Variants in ZNF33B observed in about 807,000 individuals in gnomAD.
ZNF33B encodes zinc finger protein 11b (KOX 2).
A neutral mutation model predicts 45.8 loss-of-function variants in ZNF33B; 29 were observed. The observed-to-expected ratio is 0.63, with a 90% CI of 0.47 to 0.86. The LOEUF (loss-of-function observed/expected upper bound fraction) is 0.86. ZNF33B is among the 40% of genes least tolerant of loss of function. The pLI is 0.00. For synonymous variants in ZNF33B, 305 were observed against 307.8 expected, an observed-to-expected ratio of 0.99 and a Z score of 0.10; for missense variants, 831 against 909.9, an observed-to-expected ratio of 0.91 and a Z score of 1.12.
chr10:42,592,530 TG>T lies in ZNF33B; in HGVS notation c.*82del. The T allele has an allele frequency of 6.7e-7, 1 of 1,501,896 alleles. No individual in the cohort carries two copies. The allele number at this position is 1,501,896 out of a possible 1,614,324, so 93.0% of individuals were successfully genotyped here. A position where few individuals can be genotyped will look rare whatever the true frequency, so the allele number is the denominator to read the frequency against. ...GTGGATAGTTATTGAACATTCAGGA[TG>T]TCAACAGGCCCTTCTCCACAGTGTG... On this transcript the variant is annotated 3_prime_UTR_variant, in exon 5 of 5. Coordinates refer to ENST00000359467, the MANE Select transcript of ZNF33B (RefSeq NM_006955.3).
intron 4 of ZNF33B, among the ~76,000 whole-genome samples, chr10:42,624,231 CA>C (rs1225794743): frequency 1.3e-5 from 2 of 152,192 alleles, no homozygotes; most frequent in African/African-American, 4.8e-5. Context: ...AAGGGCTCCA[CA>C]TCTCCAAACA....
chr10:42,609,401 T>C (rs1296354968), intron 4 of ZNF33B, among the ~76,000 whole-genome samples: 8 of 152,056 alleles, frequency 5.3e-5, no homozygotes, highest in Non-Finnish European at 7.4e-5. Context: ...CTGGGCAATA[T>C]AGTGAGGCTC....
At chr10:42,606,263 G>A (rs1359895060) in intron 4 of ZNF33B, among the ~76,000 whole-genome samples, 6 of 152,002 alleles carry the variant, frequency 3.9e-5, no homozygotes, top group African/African-American at 9.7e-5. Context: ...TCAGGGGTTC[G>A]TGACCAGCCT....
intron 4 of ZNF33B, among the ~76,000 whole-genome samples, chr10:42,617,649 G>T (rs1309109151): frequency 6.6e-6 from 1 of 152,020 alleles, no homozygotes; most frequent in Non-Finnish European, 1.5e-5. Flanking sequence ...CAACACTGGG[G>T]ATACAGAACA....
intron 4 of ZNF33B, among the ~76,000 whole-genome samples, chr10:42,595,523 C>G (rs539671617): frequency 6.6e-6 from 1 of 152,032 alleles, no homozygotes; most frequent in Non-Finnish European, 1.5e-5. Context: ...ACTGTGCCCC[C>G]CAAAAATGTG....
intron 2 of ZNF33B, 80 bp from the exon 3 acceptor site, chr10:42,632,519 G>C (rs1306737541): frequency 1.3e-6 from 2 of 1,526,474 alleles, no homozygotes; most frequent in East Asian, 2.3e-5. Context: ...CAGAATATTT[G>C]TTTTGCTTTA....
intron 1 of ZNF33B, among the ~76,000 whole-genome samples, chr10:42,577,895 A>C (rs1170880270): frequency 6.6e-6 from 1 of 152,216 alleles, no homozygotes; most frequent in Non-Finnish European, 1.5e-5. Context: ...AGAAAACTAA[A>C]GACTGAGACA....
intron 1 of ZNF33B, 41 bp from the exon 2 acceptor site, chr10:42,637,013 C>G (rs1564532533): frequency 6.2e-7 from 1 of 1,604,118 alleles, no homozygotes; most frequent in African/African-American, 1.3e-5. Context: ...AAAGATTTGG[C>G]CTGCCTGGCA....
intron 1 of ZNF33B, among the ~76,000 whole-genome samples, chr10:42,637,834 G>A (rs1299644674): frequency 2.0e-5 from 3 of 152,106 alleles, no homozygotes; most frequent in Admixed American, 2.0e-4. Context: ...AGTATTTTTA[G>A]TAGAGACGGG....
At chr10:42,595,905 C>A (rs1434300250) in intron 4 of ZNF33B, among the ~76,000 whole-genome samples, 3 of 151,870 alleles carry the variant, frequency 2.0e-5, no homozygotes, top group Non-Finnish European at 4.4e-5. Flanking sequence ...TTACAGCAGC[C>A]TGAGTAAAGT....
At chr10:42,631,475 A>G (rs1326692249) in intron 4 of ZNF33B, among the ~76,000 whole-genome samples, 4 of 152,216 alleles carry the variant, frequency 2.6e-5, no homozygotes, top group Non-Finnish European at 5.9e-5. Flanking sequence ...CTGGGATTAC[A>G]GGTGTGAGCT....
At chr10:42,608,712 C>T (rs950068200) in intron 4 of ZNF33B, among the ~76,000 whole-genome samples, 1 of 151,844 alleles carries the variant, frequency 6.6e-6, no homozygotes, top group African/African-American at 2.4e-5. Flanking sequence ...ACTAATTTTC[C>T]ACCTTAAAAC....
Position 42,592,373 on chromosome 10 carries a change from G to T in ZNF33B, c.*240C>A. ...AACTTTCACAAATTCAAAAAAATCT[G>T]TGAGGTTTTATGCCAGTATTAACCA... On this transcript the variant is annotated 3_prime_UTR_variant, in exon 5 of 5. Transcript: ENST00000359467. 1.6e-6 allele frequency: 1 copy of T among 636,060 alleles called. No homozygotes were observed. The highest frequency in any genetic ancestry group is 2.3e-6 in the Non-Finnish European group (1 of 432,346). The allele number at this position is 636,060 out of a possible 1,614,324, so 39.4% of individuals were successfully genotyped here. A position where few individuals can be genotyped will look rare whatever the true frequency, so the allele number is the denominator to read the frequency against.
At chr10:42,587,877 AT>A (rs538572862), downstream of ZNF33B, among the ~76,000 whole-genome samples, 288 of 152,274 alleles carry the variant, frequency 1.9e-3, no homozygotes, top group Non-Finnish European at 3.3e-3. Context: ...GGGTCAGGAA[AT>A]CATGTGTAGT....
rs158376 is a variant in ZNF33B at position 42,621,411 on chromosome 10, T to G, written c.250+10518A>C. On this transcript the variant is annotated intron_variant, in intron 4 of 4. Coordinates refer to ENST00000359467, the MANE Select transcript of ZNF33B (RefSeq NM_006955.3). ...ACAGATACAAAGCTACACAAACACA[T>G]ACACACACACACAAATACCAGTAAA... 9.9e-5 allele frequency among the ~76,000 whole-genome samples: 15 copies of G among 151,232 alleles called. No homozygotes were observed. In the East Asian group the frequency reaches 2.3e-3, roughly 24 times the overall value.
intron 4 of ZNF33B, among the ~76,000 whole-genome samples, chr10:42,599,463 CATATGTATATTACATAT>C: frequency 1.6e-3 from 1 of 614 alleles, no homozygotes; most frequent in Non-Finnish European, 3.0e-3. Context: ...TACATATATA[CATATGTATATTACATAT>C]ATACATATGT....
intron 4 of ZNF33B, among the ~76,000 whole-genome samples, chr10:42,600,132 C>T (rs960980661): frequency 6.6e-6 from 1 of 151,990 alleles, no homozygotes; most frequent in African/African-American, 2.4e-5. Context: ...TTAATATATT[C>T]GTTCATCTGC....
At position 42,594,442 on chromosome 10, in the gene ZNF33B, A is replaced by G. The variant is rs1837306362; in HGVS notation, c.508T>C (p.Phe170Leu). The G allele has an allele frequency of 1.9e-6, 3 of 1,613,568 alleles. No homozygotes were observed. The highest frequency in any genetic ancestry group is 2.7e-5 in the African/African-American group (2 of 74,924). ...AGTAACAATTTCCCACATGCATTAA[A>G]TTCGTCAGACTTTTTTCCTAAATAG... ...INYLGKKSDE[F>L]NACGKLLLNI... Residue 170 changes from phenylalanine to leucine, a missense_variant, in exon 5 of 5, where the codon TTT (phenylalanine) becomes CTT (leucine). Phe to Leu is a conservative substitution (Grantham distance 22). Coordinates refer to ENST00000359467, the MANE Select transcript of ZNF33B (RefSeq NM_006955.3).
Position 42,600,055 on chromosome 10 carries a change from C to CTA in ZNF33B, c.251-5358_251-5357dup, listed in dbSNP as rs200316828. 9.2e-4 allele frequency among the ~76,000 whole-genome samples: 140 copies of CTA among 152,202 alleles called. No individual in the cohort carries two copies. The East Asian group carries it at 0.023, about 25-fold the overall frequency. On this transcript the variant is annotated intron_variant, in intron 4 of 4. Transcript: ENST00000359467. Reference sequence around the variant, plus strand: ...ACCCCTTATGGTGGGAGAAAATACTCTATATGACTTCAATCCTTTTATATT... The same window carrying CTA: ...ACCCCTTATGGTGGGAGAAAATACTCTATATATGACTTCAATCCTTTTATATT...
Sources: allele counts gnomAD v4.1 joint callset (sites outside exome capture counted in the v4.1 genomes callset), GRCh38; gene constraint gnomAD v4.1.1; transcripts MANE v1.5; gene names NCBI Gene and HGNC (gene_info 2026-07-23, HGNC 2026-07-21).